CNTNAP2: variants seen among roughly 807,000 people sequenced by gnomAD.
CNTNAP2 encodes contactin associated protein 2.
Under a neutral mutation model 155.2 loss-of-function variants are expected in CNTNAP2, and 98 were observed. The ratio of observed to expected loss-of-function variants is 0.63; its 90% CI spans 0.54 to 0.75. The LOEUF is 0.75. CNTNAP2 is among the 30% of genes least tolerant of loss of function. The pLI is 0.00. For synonymous variants in CNTNAP2, 651 were observed against 631.2 expected (o/e 1.03, Z -0.47); for missense variants, 1,727 against 1,688.1 (o/e 1.02, Z -0.40).
chr7:147,199,568 C>T (rs1802880069), intron 8 of CNTNAP2, among the ~76,000 whole-genome samples: 5 of 150,524 alleles, frequency 3.3e-5, no homozygotes, highest in Admixed American at 3.3e-4. Flanking sequence ...CAAATGTGGC[C>T]TTTTCTAAGT....
At chr7:148,216,191 A>G (rs1358173590) in intron 18 of CNTNAP2, among the ~76,000 whole-genome samples, 1 of 152,222 alleles carries the variant, frequency 6.6e-6, no homozygotes, top group Non-Finnish European at 1.5e-5. Context: ...CTTGCTGGCC[A>G]TGAAGTGCCT....
At chr7:146,446,318 G>A (rs114683742) in intron 1 of CNTNAP2, among the ~76,000 whole-genome samples, 31 of 152,208 alleles carry the variant, frequency 2.0e-4, no homozygotes, top group Middle Eastern at 3.4e-3. Context: ...TTAGAGGATC[G>A]TGGCTGTGAA....
At chr7:146,996,670 C>CT (rs374072805) in intron 3 of CNTNAP2, among the ~76,000 whole-genome samples, 3 of 151,476 alleles carry the variant, frequency 2.0e-5, no homozygotes, top group South Asian at 2.1e-4. Flanking sequence ...GATACTTTAA[C>CT]TTTTTTTTTC....
chr7:146,771,168 A>G (rs927069037), intron 1 of CNTNAP2, among the ~76,000 whole-genome samples: 3 of 152,136 alleles, frequency 2.0e-5, no homozygotes, highest in Admixed American at 2.0e-4. Context: ...TCTTAGTATT[A>G]ATTACCATAG....
At chr7:147,133,107 G>A (rs1215233114) in intron 8 of CNTNAP2, among the ~76,000 whole-genome samples, 1 of 152,074 alleles carries the variant, frequency 6.6e-6, no homozygotes, top group Non-Finnish European at 1.5e-5. Context: ...GTAGTGATAT[G>A]ACAAATAGAG....
rs533807486 is a variant in CNTNAP2 at position 146,923,007 on chromosome 7, G to A, written c.402+83103G>A. Among the ~76,000 whole-genome samples, 336 of 152,296 alleles carry A rather than the reference G, an allele frequency of 2.2e-3. 1 individual carries two copies. The highest frequency in any genetic ancestry group is 7.9e-3 in the African/African-American group (327 of 41,570). ...AAAAATGTTTTCAATCACATTTTAA[G>A]ACAGCATAGCTGATGTAGAAGGGTC... is the stretch of plus-strand genomic sequence containing the variant. On this transcript the variant is annotated intron_variant, in intron 3 of 23. Transcript: ENST00000361727.
chr7:147,665,500 A>G (rs1489470674), intron 13 of CNTNAP2, among the ~76,000 whole-genome samples: 1 of 152,190 alleles, frequency 6.6e-6, no homozygotes, highest in African/African-American at 2.4e-5. Flanking sequence ...TTAGGGATAC[A>G]AGGGCAGAGG....
intron 17 of CNTNAP2, among the ~76,000 whole-genome samples, chr7:148,149,822 G>A (rs1805262985): frequency 6.6e-6 from 1 of 152,060 alleles, no homozygotes; most frequent in South Asian, 2.1e-4. Context: ...AAAATGCTGG[G>A]ATTACAGGCA....
intron 9 of CNTNAP2, among the ~76,000 whole-genome samples, chr7:147,347,282 A>G (rs1455833976): frequency 6.6e-6 from 1 of 151,860 alleles, no homozygotes; most frequent in Admixed American, 6.6e-5. Flanking sequence ...ACTTGTTTGC[A>G]ACCCTAAAAG....
At chr7:147,172,800 T>C (rs1184569041) in intron 8 of CNTNAP2, among the ~76,000 whole-genome samples, 22 of 152,204 alleles carry the variant, frequency 1.4e-4, no homozygotes, top group Non-Finnish European at 3.1e-4. Flanking sequence ...TGGACTCATA[T>C]GCACGAGTTC....
intron 1 of CNTNAP2, among the ~76,000 whole-genome samples, chr7:146,724,561 CTTTTTTTTTTTTTTTT>C (rs1000613503): frequency 1.5e-5 from 1 of 65,604 alleles, no homozygotes; most frequent in African/African-American, 6.9e-5. Flanking sequence ...TAAATCTAAA[CTTTTTTTTTTTTTTTT>C]TTTTTTTTTT....
intron 8 of CNTNAP2, among the ~76,000 whole-genome samples, chr7:147,252,654 T>C (rs950232264): frequency 6.6e-6 from 1 of 152,166 alleles, no homozygotes; most frequent in Non-Finnish European, 1.5e-5. Flanking sequence ...GAAGGTGATA[T>C]GAGATGTGCT....
At chr7:146,687,402 A>C (rs766092991) in intron 1 of CNTNAP2, among the ~76,000 whole-genome samples, 17 of 152,132 alleles carry the variant, frequency 1.1e-4, no homozygotes, top group Non-Finnish European at 1.9e-4. Flanking sequence ...GAGATAGTAC[A>C]TGGACAAAAA....
At chr7:148,386,663 A>C (rs1399333706) in intron 22 of CNTNAP2, among the ~76,000 whole-genome samples, 1 of 152,176 alleles carries the variant, frequency 6.6e-6, no homozygotes, top group Non-Finnish European at 1.5e-5. Flanking sequence ...AAATGAGGGA[A>C]GGTTACTTAA....
At chr7:146,437,647 T>TA (rs1167484488) in intron 1 of CNTNAP2, among the ~76,000 whole-genome samples, 2 of 151,550 alleles carry the variant, frequency 1.3e-5, no homozygotes, top group African/African-American at 2.4e-5. Flanking sequence ...AATGGCAAAC[T>TA]AAAAAAATAA....
chr7:146,815,471 A>G (rs979655666), intron 2 of CNTNAP2, among the ~76,000 whole-genome samples: 1 of 152,138 alleles, frequency 6.6e-6, no homozygotes, highest in African/African-American at 2.4e-5. Flanking sequence ...AATCTGGTAA[A>G]GGTGAAACTT....
chr7:146,917,263 A>C (rs1435093697), intron 3 of CNTNAP2, among the ~76,000 whole-genome samples: 1 of 152,148 alleles, frequency 6.6e-6, no homozygotes, highest in African/African-American at 2.4e-5. Flanking sequence ...CCATGAGCTG[A>C]TAAATAGAAT....
chr7:146,846,516 T>C (rs951132226), intron 3 of CNTNAP2, among the ~76,000 whole-genome samples: 4 of 152,178 alleles, frequency 2.6e-5, no homozygotes, highest in African/African-American at 9.6e-5. Context: ...GTCTCATGAA[T>C]TTTAATAAGT....
intron 21 of CNTNAP2, among the ~76,000 whole-genome samples, chr7:148,345,306 A>G (rs575220133): frequency 6.6e-6 from 1 of 152,114 alleles, no homozygotes; most frequent in South Asian, 2.1e-4. Context: ...TATAACCCAC[A>G]GCATCTGGAC....
Sources: allele counts gnomAD v4.1 joint callset (sites outside exome capture counted in the v4.1 genomes callset), GRCh38; gene constraint gnomAD v4.1.1; transcripts MANE v1.5; gene names NCBI Gene and HGNC (gene_info 2026-07-23, HGNC 2026-07-21).